Variants in CDC14B observed in about 807,000 individuals in gnomAD.
CDC14B encodes cell division cycle 14B, also known as dual specificity protein phosphatase CDC14B.
CDC14B carries 22 observed loss-of-function variants against 64.2 expected under a neutral mutation model. That is an observed-to-expected ratio of 0.34 (90% CI 0.24 to 0.49). CDC14B has a LOEUF of 0.49. Ranked by LOEUF, CDC14B falls within the 20% of genes least tolerant of loss-of-function variation. The probability of loss-of-function intolerance (pLI) is 0.99; values close to 1 mark genes in which losing one functional copy is unlikely to be tolerated. For missense variants in CDC14B, 498 were observed against 629.9 expected (o/e 0.79, Z 2.24); for synonymous variants, 191 against 215.8 (o/e 0.89, Z 1.01).
chr9:96,577,250 CAAA>C (rs750429617), intron 1 of CDC14B, among the ~76,000 whole-genome samples: 2 of 82,724 alleles, frequency 2.4e-5, no homozygotes, highest in Non-Finnish European at 3.0e-5. Context: ...GACTCCATCT[CAAA>C]AAAAAAAAAA....
chr9:96,544,059 A>G (rs1840451064), intron 5 of CDC14B, among the ~76,000 whole-genome samples: 1 of 151,934 alleles, frequency 6.6e-6, no homozygotes, highest in South Asian at 2.1e-4. Flanking sequence ...TCTACTAAAA[A>G]CATAAAAATT....
chr9:96,618,407 C>T (rs1847771064), intron 1 of CDC14B: 4 of 500,598 alleles, frequency 8.0e-6, no homozygotes, highest in Non-Finnish European at 1.2e-5. Flanking sequence ...TCCCAGCAAA[C>T]CTAACAGCTG....
intron 7 of CDC14B, among the ~76,000 whole-genome samples, chr9:96,536,452 T>G (rs1046527822): frequency 2.0e-5 from 3 of 152,168 alleles, no homozygotes; most frequent in Non-Finnish European, 4.4e-5. Flanking sequence ...GCAAAAAAGG[T>G]GTTAATAACT....
chr9:96,534,520 T>G lies in CDC14B; in HGVS notation c.650A>C (p.Asn217Thr). The change falls in exon 8 of 14, where the codon AAT becomes ACT. Residue 217 changes from asparagine to threonine, a missense_variant. By Grantham distance (65) the Asn-to-Thr change is moderately conservative (BLOSUM62 0). Coordinates refer to ENST00000375241, the MANE Select transcript of CDC14B (RefSeq NM_033331.4). ...AATAAATCGGTCTGGTATTATCCAA[T>G]TTAAATCTCCATTTTCTGCTTTCTG... ...HYEKAENGDL[N>T]WIIPDRFIAF... 6.2e-7 allele frequency: 1 copy of G among 1,613,314 alleles called. No individual in the cohort carries two copies. The highest frequency in any genetic ancestry group is 8.5e-7 in the Non-Finnish European group (1 of 1,179,394).
Position 96,515,698 on chromosome 9 carries a change from C to T in CDC14B, c.1344-5909G>A, listed in dbSNP as rs765052708. On this transcript the variant is annotated intron_variant, in intron 12 of 13. Coordinates refer to ENST00000375241, the MANE Select transcript of CDC14B (RefSeq NM_033331.4). This position sits in a 1 kb window ranked among gnomAD's most constrained non-coding sequence, Gnocchi z 4.3. Reference sequence around the variant, plus strand: ...GATGGCTACTGTGTTCTGAAACCATCGAGACAGAATAGCAGGATGGGAAGA... The same window carrying T: ...GATGGCTACTGTGTTCTGAAACCATTGAGACAGAATAGCAGGATGGGAAGA... 12 of 1,601,922 alleles carry T rather than the reference C, an allele frequency of 7.5e-6. No homozygotes were observed. In the African/African-American group the frequency reaches 8.0e-5, roughly 11 times the overall value.
chr9:96,494,884 C>G lies in CDC14B; in HGVS notation c.*80+1323G>C, dbSNP rs931930449. 3.2e-3 allele frequency among the ~76,000 whole-genome samples: 474 copies of G among 149,870 alleles called. 5 individuals are homozygous for G. The highest frequency in any genetic ancestry group is 0.011 in the African/African-American group (438 of 40,696). On this transcript the variant is annotated intron_variant and NMD_transcript_variant, in intron 13 of 13. Transcript: ENST00000474602. Reference sequence around the variant, plus strand: ...GAGTCTCGCTCTGTCGCCCAGGCTGCAGTGCAGTGGCGCGATCTCGGCTCA... The same window carrying G: ...GAGTCTCGCTCTGTCGCCCAGGCTGGAGTGCAGTGGCGCGATCTCGGCTCA...
At chr9:96,581,624 T>C (rs753003527) in intron 1 of CDC14B, among the ~76,000 whole-genome samples, 1 of 152,108 alleles carries the variant, frequency 6.6e-6, no homozygotes, top group African/African-American at 2.4e-5. Context: ...TATCAAGGAT[T>C]TGGGGGCAGG....
intron 1 of CDC14B, among the ~76,000 whole-genome samples, chr9:96,595,457 C>A (rs1846016251): frequency 6.6e-6 from 1 of 152,180 alleles, no homozygotes; most frequent in Non-Finnish European, 1.5e-5. Flanking sequence ...TACTATAACT[C>A]CATTCCATAT....
intron 5 of CDC14B, among the ~76,000 whole-genome samples, chr9:96,542,524 G>A (rs1023944427): frequency 6.6e-6 from 1 of 151,820 alleles, no homozygotes; most frequent in African/African-American, 2.4e-5. Flanking sequence ...TAGAGATAAC[G>A]TCTTGCCCTG....
chr9:96,609,789 G>T (rs1847191788), intron 1 of CDC14B, among the ~76,000 whole-genome samples: 1 of 152,120 alleles, frequency 6.6e-6, no homozygotes. Context: ...CAGACATCAG[G>T]AACAAGATGT....
chr9:96,618,442 AG>A, intron 1 of CDC14B: 1 of 530,284 alleles, frequency 1.9e-6, no homozygotes, highest in South Asian at 1.4e-5. Context: ...TGAGTCTCCA[AG>A]AACAGTCGAA....
exon 14 of CDC14B, chr9:96,491,567 G>A (rs1404813807): frequency 2.0e-5 from 3 of 152,158 alleles, no homozygotes; most frequent in Non-Finnish European, 4.4e-5. Context: ...CCTGATTTCT[G>A]AAATCTGAAC....
Position 96,522,585 on chromosome 9 carries a change from T to C in CDC14B, c.1264A>G (p.Ile422Val). The C allele has an allele frequency of 1.9e-6, 3 of 1,611,846 alleles. No homozygotes were observed. Among genetic ancestry groups the C allele is most frequent in the Non-Finnish European group, 2.5e-6 (3 of 1,177,874 alleles). Residue 422 changes from isoleucine (I) to valine (V), a missense_variant, in exon 12 of 14, where the codon ATC becomes GTC. Physicochemically the swap from Ile to Val is conservative, Grantham distance 29. Transcript: ENST00000375241. ...CTATCACCTTGTGTCACTCCATTGA[T>C]TTCGTCATCATCACTGTACTGTGTA... Reference protein sequence around the residue: ...EPEPYSDDDEINGVTQGDRLR... With the variant: ...EPEPYSDDDEVNGVTQGDRLR...
downstream of CDC14B, among the ~76,000 whole-genome samples, chr9:96,498,922 T>C (rs10991379): frequency 0.17 from 25,161 of 152,252 alleles, 2,145 homozygotes; most frequent in Non-Finnish European, 0.18. Context: ...CAGGGGTCCC[T>C]GCAGCCTGCT....
chr9:96,607,410 T>G (rs759384424), intron 1 of CDC14B, among the ~76,000 whole-genome samples: 2 of 147,114 alleles, frequency 1.4e-5, no homozygotes, highest in African/African-American at 5.1e-5. Context: ...TTAAACGTGA[T>G]GTCTTTTTTT....
chr9:96,554,716 G>T (rs1842277005), intron 4 of CDC14B, among the ~76,000 whole-genome samples: 1 of 152,012 alleles, frequency 6.6e-6, no homozygotes. Flanking sequence ...AACTATCAAA[G>T]ATATATTTGC....
At chr9:96,572,818 A>G (rs1312616613) in intron 1 of CDC14B, among the ~76,000 whole-genome samples, 2 of 152,200 alleles carry the variant, frequency 1.3e-5, no homozygotes, top group Non-Finnish European at 2.9e-5. Context: ...AACAGCCAAT[A>G]TCACACTTTA....
At position 96,502,858 on chromosome 9, in the gene CDC14B, T is replaced by C. The variant is rs1181412348; in HGVS notation, c.*895A>G. On this transcript the variant is annotated 3_prime_UTR_variant, in exon 14 of 14. Transcript: ENST00000375241. ...AAGGACTCTAAAAAAGTGGTAACTT[T>C]TTTTTTTTGTAAGCCGACATTATTT... 2 of 397,252 alleles carry C rather than the reference T, an allele frequency of 5.0e-6. No homozygotes were observed. Among genetic ancestry groups the C allele is most frequent in the Non-Finnish European group, 8.9e-6 (2 of 225,214 alleles). The allele number at this position is 397,252 out of a possible 1,614,324, so 24.6% of individuals were successfully genotyped here.
At chr9:96,587,098 A>G (rs1445583652) in intron 1 of CDC14B, among the ~76,000 whole-genome samples, 1 of 152,114 alleles carries the variant, frequency 6.6e-6, no homozygotes, top group African/African-American at 2.4e-5. Flanking sequence ...GCTTGAACCC[A>G]GGAAGCGGTG....
Sources: allele counts gnomAD v4.1 joint callset (sites outside exome capture counted in the v4.1 genomes callset), GRCh38; gene constraint gnomAD v4.1.1; non-coding constraint Gnocchi (gnomAD v3.1); transcripts MANE v1.5; gene names NCBI Gene and HGNC (gene_info 2026-07-23, HGNC 2026-07-21).